TTN: variants seen among roughly 807,000 people sequenced by gnomAD.
TTN encodes the protein connectin.
In TTN, 1,525 loss-of-function variants were observed where a neutral mutation model predicts 3,223.0. The observed-to-expected ratio is 0.47, with a 90% CI of 0.45 to 0.49. The LOEUF is 0.49. Ranked by LOEUF, TTN falls within the 20% of genes least tolerant of loss-of-function variation. The pLI is 0.00. For missense variants in TTN, 40,786 were observed against 43,424.0 expected (o/e 0.94, Z 5.40); for synonymous variants, 14,094 against 15,161.0 (o/e 0.93, Z 5.17).
In TTN at chr2:178,689,871, G is replaced by A; in HGVS notation, c.31788C>T (p.Val10596=). ...PKVPEVPKKP[V]PEEKIPVPVA... ...CAGGAACGGGAATCTTTTCTTCAGG[G>A]ACAGGTTTCTTTGGCACCTCTGGGA... Residue 10596 remains valine, a synonymous_variant, in exon 122 of 363, where the codon GTC becomes GTT. Coordinates refer to ENST00000589042, the MANE Select transcript of TTN (RefSeq NM_001267550.2). 1.2e-6 allele frequency: 2 copies of A among 1,613,392 alleles called. No individual in the cohort carries two copies. The highest frequency in any genetic ancestry group is 1.7e-6 in the Non-Finnish European group (2 of 1,179,596).
chr2:178,548,089 T>G lies in TTN; in HGVS notation c.93537A>C (p.Lys31179Asn), dbSNP rs776904754. ...LTFTVERLVE[K>N]TEYEFRVKAK... ...CCTTCACACGGAATTCATATTCAGT[T>G]TTCTCAACAAGACGCTCTACTGTGA... The change falls in exon 339 of 363, where the codon AAA becomes AAC. Residue 31179 changes from lysine (K) to asparagine (N), a missense_variant. Coordinates refer to ENST00000589042, the MANE Select transcript of TTN (RefSeq NM_001267550.2). The surrounding 1 kb of genome is among the most constrained non-coding windows in gnomAD (Gnocchi z 4.3). 7 of 1,613,836 alleles carry G rather than the reference T, an allele frequency of 4.3e-6. No homozygotes were observed. In the South Asian group the frequency reaches 6.6e-5, roughly 15 times the overall value.
At chr2:178,768,196 T>G (rs781641488) in intron 38 of TTN, 41 bp from the exon 39 acceptor site, 1 of 1,599,254 alleles carries the variant, frequency 6.3e-7, no homozygotes, top group Non-Finnish European at 8.6e-7. Context: ...TTTTAACAGC[T>G]TTATTGAGAT....
intron 67 of TTN, 59 bp from the exon 68 acceptor site, chr2:178,727,922 A>C: frequency 1.3e-6 from 2 of 1,485,376 alleles, no homozygotes; most frequent in Non-Finnish European, 1.8e-6. Context: ...TTATTGTGAC[A>C]GTTTTATGGA....
At chr2:178,667,948 G>A (rs1024007332) in intron 159 of TTN, among the ~76,000 whole-genome samples, 7 of 152,118 alleles carry the variant, frequency 4.6e-5, no homozygotes, top group Non-Finnish European at 8.8e-5. Flanking sequence ...TGGAGGAATT[G>A]TTCAGGCAAG....
rs180691454 is a variant in TTN at position 178,720,690 on chromosome 2, G to C, written c.23099-27C>G. On this transcript the variant is annotated intron_variant, in intron 79 of 362. Transcript: ENST00000589042. ...TACCAGAAAAAAGGAGATAAACAAT[G>C]AGAACACTTGCTTACTATAAAGGAA... 5.7e-4 allele frequency: 880 copies of C among 1,544,250 alleles called. 4 individuals are homozygous for C. The African/African-American group carries it at 0.011, about 19-fold the overall frequency.
Position 178,609,996 on chromosome 2 carries a change from A to C in TTN, c.51437-10T>G. 1.2e-6 allele frequency: 2 copies of C among 1,610,000 alleles called. No homozygotes were observed. Among genetic ancestry groups the C allele is most frequent in the Non-Finnish European group, 1.7e-6 (2 of 1,178,524 alleles). On this transcript the variant is annotated splice_polypyrimidine_tract_variant and intron_variant, in intron 271 of 362. Transcript: ENST00000589042. ...GGTGGATCAGGGGGTTCTGAAGAACAAGAAAAAAATGTTAGTATCAGGAAA... is the reference window on the plus strand; with the variant it reads ...GGTGGATCAGGGGGTTCTGAAGAACCAGAAAAAAATGTTAGTATCAGGAAA...
In TTN at chr2:178,636,837, C is replaced by T. The variant is rs759801329; in HGVS notation, c.40928-38G>A. ...AAAATAAAAAGTTGATTTGGCATCT[C>T]CTTAGGAGTCAGAAAGTTCATACTT... On this transcript the variant is annotated intron_variant, in intron 224 of 362. Transcript: ENST00000589042. This position sits in a 1 kb window ranked among gnomAD's most constrained non-coding sequence, Gnocchi z 4.3. 4.0e-6 allele frequency: 6 copies of T among 1,516,588 alleles called. No individual in the cohort carries two copies. The South Asian group carries it at 5.4e-5, about 14-fold the overall frequency. The allele number at this position is 1,516,588 out of a possible 1,614,324, so 93.9% of individuals were successfully genotyped here.
chr2:178,682,481 A>G (rs1032744239), intron 135 of TTN, among the ~76,000 whole-genome samples: 2 of 152,090 alleles, frequency 1.3e-5, no homozygotes, highest in South Asian at 2.1e-4. Context: ...TTCCCGGAAC[A>G]AAAGTCTAAC....
Position 178,544,464 on chromosome 2 carries a change from G to C in TTN, c.95765C>G (p.Thr31922Ser), listed in dbSNP as rs769771566. 2.5e-6 allele frequency: 4 copies of C among 1,611,616 alleles called. No homozygotes were observed. The highest frequency in any genetic ancestry group is 3.4e-6 in the Non-Finnish European group (4 of 1,178,008). Residue 31922 changes from threonine to serine, a missense_variant, in exon 345 of 363, where the codon ACC becomes AGC. Transcript: ENST00000589042. ...PPSAPRVVDT[T>S]KHSISLAWTK... ...CCATGCCAAACTAATGCTGTGTTTGGTGGTATCCACAACTCTTGGAGCAGA... is the reference window on the plus strand; with the variant it reads ...CCATGCCAAACTAATGCTGTGTTTGCTGGTATCCACAACTCTTGGAGCAGA...
Position 178,538,850 on chromosome 2 carries a change from T to G in TTN, c.98990-11A>C, listed in dbSNP as rs1692982332. 1.9e-6 allele frequency: 3 copies of G among 1,591,676 alleles called. No homozygotes were observed. On this transcript the variant is annotated splice_polypyrimidine_tract_variant and intron_variant, in intron 353 of 362. Transcript: ENST00000589042. Reference sequence around the variant, plus strand: ...GTTGGCTTGGTTTATCTGAAATATTTTAAAATAATGAAAAGGGAGTCAGCT... The same window carrying G: ...GTTGGCTTGGTTTATCTGAAATATTGTAAAATAATGAAAAGGGAGTCAGCT...
rs753799697 is a variant in TTN, at chr2:178,779,145, A to G, written c.3964-27T>C. 10 of 1,613,280 alleles carry G rather than the reference A, an allele frequency of 6.2e-6. No individual in the cohort carries two copies. The African/African-American group carries it at 8.0e-5, about 13-fold the overall frequency. ...TGCAAAGAATACCATGCATGTATGA[A>G]TAAAATTTACATCAAATAGTTATAT... On this transcript the variant is annotated intron_variant, in intron 23 of 362. Coordinates refer to ENST00000589042, the MANE Select transcript of TTN (RefSeq NM_001267550.2).
intron 361 of TTN, 148 bp from the exon 362 acceptor site, chr2:178,527,896 T>C (rs1687146441): frequency 1.5e-6 from 1 of 674,062 alleles, no homozygotes; most frequent in Admixed American, 3.2e-5. Flanking sequence ...CAAATACATA[T>C]ATACATACAT....
intron 6 of TTN, among the ~76,000 whole-genome samples, chr2:178,795,655 G>A (rs2093729672): frequency 6.6e-6 from 1 of 152,078 alleles, no homozygotes; most frequent in Non-Finnish European, 1.5e-5. Context: ...ATGTCAAATA[G>A]GTGTTATAAG....
Position 178,741,496 on chromosome 2 carries a change from C to T in TTN, c.11737G>A (p.Gly3913Arg). The T allele has an allele frequency of 6.2e-7, 1 of 1,613,858 alleles. No individual in the cohort carries two copies. Among genetic ancestry groups the T allele is most frequent in the African/African-American group, 1.3e-5 (1 of 75,036 alleles). The stretch of plus-strand genomic sequence containing the variant: ...GTTTCAGTGTCTTTGTGACCCTCTC[C>T]TTTGGAATTAATTTTTAGATAGGCA... ...CSAYLKINSK[G>R]EGHKDTETES... The change falls in exon 48 of 363, where the codon GGA becomes AGA. Residue 3913 changes from glycine (G) to arginine (R), a missense_variant. Transcript: ENST00000589042.
At chr2:178,707,420 C>G (rs2076044358) in intron 100 of TTN, 106 bp downstream of exon 100, 1 of 1,350,298 alleles carries the variant, frequency 7.4e-7, no homozygotes, top group East Asian at 2.5e-5. Flanking sequence ...TGAGCAACAA[C>G]TGATATTTCT....
Position 178,678,220 on chromosome 2 carries a change from T to C in TTN, c.33911-12A>G, listed in dbSNP as rs1489915118. ...GGGCACCTCTGGCACTTTAAAGATA[T>C]TATTTATATTTAGGAATATGTTCTT... is the stretch of plus-strand genomic sequence containing the variant. On this transcript the variant is annotated splice_polypyrimidine_tract_variant and intron_variant, in intron 144 of 362. Coordinates refer to ENST00000589042, the MANE Select transcript of TTN (RefSeq NM_001267550.2). The C allele has an allele frequency of 6.3e-7, 1 of 1,591,972 alleles. No individual in the cohort carries two copies. Among genetic ancestry groups the C allele is most frequent in the Non-Finnish European group, 8.5e-7 (1 of 1,171,108 alleles).
In TTN at chr2:178,629,404, G is replaced by A. The variant is rs930837832; in HGVS notation, c.44321C>T (p.Thr14774Ile). 6.2e-7 allele frequency: 1 copy of A among 1,613,032 alleles called. No homozygotes were observed. Among genetic ancestry groups the A allele is most frequent in the Non-Finnish European group, 8.5e-7 (1 of 1,179,330 alleles). Residue 14774 changes from threonine to isoleucine, a missense_variant, in exon 240 of 363, where the codon ACC becomes ATC. Transcript: ENST00000589042. ...IGLLRPLKDV[T>I]VTAGETATFD... ...GGTGGCTGTTTCCCCTGCAGTCACGGTGACATCCTTTAAAGGCCTCAGAAG... is the reference window on the plus strand; with the variant it reads ...GGTGGCTGTTTCCCCTGCAGTCACGATGACATCCTTTAAAGGCCTCAGAAG...
In TTN at chr2:178,533,075, C is replaced by A. The variant is rs769311670; in HGVS notation, c.103540G>T (p.Val34514Leu). 2 of 1,613,962 alleles carry A rather than the reference C, an allele frequency of 1.2e-6. No homozygotes were observed. Among genetic ancestry groups the A allele is most frequent in the Non-Finnish European group, 1.7e-6 (2 of 1,179,864 alleles). The change falls in exon 358 of 363, where the codon GTA (valine) becomes TTA (leucine). Residue 34514 changes from valine to leucine, a missense_variant. Transcript: ENST00000589042. ...REAAVLYKPAVSTKTVKGEFR... is the reference protein window; with the variant it reads ...REAAVLYKPALSTKTVKGEFR... ...TCCCCTTTTACAGTCTTGGTGCTTA[C>A]AGCCGGTTTATAAAGGACAGCAGCT...
chr2:178,765,187 T>C (rs930180123), intron 41 of TTN, among the ~76,000 whole-genome samples: 2 of 152,200 alleles, frequency 1.3e-5, no homozygotes, highest in African/African-American at 4.8e-5. Flanking sequence ...GGACAAATCA[T>C]GTGGTGAAGA....
Sources: allele counts gnomAD v4.1 joint callset (sites outside exome capture counted in the v4.1 genomes callset), GRCh38; gene constraint gnomAD v4.1.1; non-coding constraint Gnocchi (gnomAD v3.1); transcripts MANE v1.5; gene names NCBI Gene and HGNC (gene_info 2026-07-23, HGNC 2026-07-21).